Variants in EPHA3 observed in about 807,000 individuals in gnomAD.
EPHA3 encodes the protein ephrin type-A receptor 3.
In EPHA3, 42 loss-of-function variants were observed where a neutral mutation model predicts 107.1. The observed-to-expected ratio is 0.39, with a 90% CI of 0.31 to 0.51. EPHA3 has a LOEUF of 0.51. EPHA3 is among the 20% of genes least tolerant of loss of function. The pLI is 0.78. For synonymous variants in EPHA3, 461 were observed against 424.8 expected, an observed-to-expected ratio of 1.09 and a Z score of -1.05; for missense variants, 1,183 against 1,211.2, an observed-to-expected ratio of 0.98 and a Z score of 0.35.
intron 16 of EPHA3, among the ~76,000 whole-genome samples, chr3:89,476,018 T>A (rs1710497424): frequency 6.6e-6 from 1 of 151,646 alleles, no homozygotes; most frequent in African/African-American, 2.4e-5. Flanking sequence ...CCCAAATGGA[T>A]AATTACTTTA....
At chr3:89,402,941 G>C (rs1042667192) in intron 7 of EPHA3, among the ~76,000 whole-genome samples, 3 of 152,138 alleles carry the variant, frequency 2.0e-5, no homozygotes, top group Non-Finnish European at 2.9e-5. Flanking sequence ...GCCTTCAAAA[G>C]TGCTGGGATT....
intron 13 of EPHA3, among the ~76,000 whole-genome samples, chr3:89,441,139 A>G (rs1709775438): frequency 6.6e-6 from 1 of 152,356 alleles, no homozygotes; most frequent in South Asian, 2.1e-4. Flanking sequence ...CTGAGGCCAG[A>G]AACCAAGACT....
chr3:89,437,225 G>T (rs562377315), intron 13 of EPHA3, among the ~76,000 whole-genome samples: 2 of 151,886 alleles, frequency 1.3e-5, no homozygotes, highest in Non-Finnish European at 2.9e-5. Context: ...TATTTTTGCC[G>T]TTATTCACTG....
At chr3:89,352,467 A>T in intron 5 of EPHA3, among the ~76,000 whole-genome samples, 1 of 151,294 alleles carries the variant, frequency 6.6e-6, no homozygotes, top group East Asian at 1.9e-4. Context: ...TTTCTCGTTC[A>T]TGGTTTTATG....
At chr3:89,149,178 C>A (rs1449665160) in intron 2 of EPHA3, among the ~76,000 whole-genome samples, 1 of 151,928 alleles carries the variant, frequency 6.6e-6, no homozygotes, top group Non-Finnish European at 1.5e-5. Flanking sequence ...TACCTGAAAC[C>A]AGATATGTCT....
At chr3:89,217,599 C>A (rs375898879) in intron 3 of EPHA3, among the ~76,000 whole-genome samples, 3 of 152,080 alleles carry the variant, frequency 2.0e-5, no homozygotes, top group Non-Finnish European at 4.4e-5. Context: ...AACCCATAAA[C>A]CCCACATAAT....
chr3:89,427,541 G>A (rs1276157676), intron 11 of EPHA3, among the ~76,000 whole-genome samples: 2 of 151,812 alleles, frequency 1.3e-5, no homozygotes, highest in Non-Finnish European at 2.9e-5. Context: ...CACGTCTTCT[G>A]GACTTGGAAA....
At chr3:89,414,655 T>C (rs1244466091) in intron 10 of EPHA3, among the ~76,000 whole-genome samples, 2 of 151,576 alleles carry the variant, frequency 1.3e-5, no homozygotes, top group Non-Finnish European at 3.0e-5. Context: ...GAGGAAAAGG[T>C]TACTTATGCT....
intron 2 of EPHA3, among the ~76,000 whole-genome samples, chr3:89,159,743 A>G (rs576047440): frequency 6.6e-6 from 1 of 152,230 alleles, no homozygotes; most frequent in Non-Finnish European, 1.5e-5. Flanking sequence ...TTAGTGCTAT[A>G]ATTTTCATCA....
intron 15 of EPHA3, among the ~76,000 whole-genome samples, chr3:89,455,040 T>C (rs1230661298): frequency 1.3e-5 from 2 of 152,194 alleles, no homozygotes; most frequent in Non-Finnish European, 2.9e-5. Context: ...TGAAAAGTCT[T>C]GCTTCTCCAA....
At chr3:89,279,277 T>C (rs191309056) in intron 3 of EPHA3, among the ~76,000 whole-genome samples, 8 of 152,174 alleles carry the variant, frequency 5.3e-5, no homozygotes, top group African/African-American at 1.9e-4. Context: ...TGAAAGAAAG[T>C]CTTTTCTTTT....
At chr3:89,337,601 C>T (rs1365802798) in intron 3 of EPHA3, among the ~76,000 whole-genome samples, 1 of 152,206 alleles carries the variant, frequency 6.6e-6, no homozygotes. Flanking sequence ...TAAAGCCTAT[C>T]AGCTAGTTAT....
intron 15 of EPHA3, among the ~76,000 whole-genome samples, chr3:89,452,475 C>A (rs1181062639): frequency 6.6e-6 from 1 of 152,108 alleles, no homozygotes; most frequent in African/African-American, 2.4e-5. Context: ...TTTACATAAA[C>A]CTGTTGGCCA....
chr3:89,184,149 A>G (rs901753612), intron 2 of EPHA3, among the ~76,000 whole-genome samples: 3 of 151,974 alleles, frequency 2.0e-5, no homozygotes, highest in African/African-American at 7.2e-5. Context: ...AATGATGGTG[A>G]TTTTCCTCCT....
At chr3:89,383,639 C>CCTTTTT (rs1708553469) in intron 5 of EPHA3, among the ~76,000 whole-genome samples, 1 of 87,962 alleles carries the variant, frequency 1.1e-5, no homozygotes. Flanking sequence ...ACTTCTTCTT[C>CCTTTTT]TTTTTTTTTT....
At chr3:89,421,068 C>T (rs1379029085) in intron 11 of EPHA3, among the ~76,000 whole-genome samples, 1 of 151,356 alleles carries the variant, frequency 6.6e-6, no homozygotes, top group Non-Finnish European at 1.5e-5. Flanking sequence ...CAACTCTGAA[C>T]CCAAACAGGT....
At chr3:89,314,543 C>A (rs1307068129) in intron 3 of EPHA3, among the ~76,000 whole-genome samples, 2 of 151,910 alleles carry the variant, frequency 1.3e-5, no homozygotes, top group African/African-American at 4.8e-5. Context: ...AATGAAGACA[C>A]ACTTACATGA....
intron 9 of EPHA3, among the ~76,000 whole-genome samples, chr3:89,410,729 C>T (rs1709142595): frequency 6.6e-6 from 1 of 151,834 alleles, no homozygotes; most frequent in Non-Finnish European, 1.5e-5. Context: ...GATTTTATTT[C>T]CTAACATATT....
chr3:89,121,530 G>A (rs138706071), intron 1 of EPHA3, among the ~76,000 whole-genome samples: 1 of 152,166 alleles, frequency 6.6e-6, no homozygotes, highest in South Asian at 2.1e-4. Flanking sequence ...AGGCCAAGGC[G>A]TGCGGATCAT....
Sources: allele counts gnomAD v4.1 joint callset (sites outside exome capture counted in the v4.1 genomes callset), GRCh38; gene constraint gnomAD v4.1.1; transcripts MANE v1.5; gene names NCBI Gene and HGNC (gene_info 2026-07-23, HGNC 2026-07-21).